NOX4: variants seen among roughly 807,000 people sequenced by gnomAD.
The protein encoded by NOX4 is kidney oxidase-1.
Under a neutral mutation model 87.6 loss-of-function variants are expected in NOX4, and 69 were observed. The observed-to-expected ratio is 0.79, with a 90% confidence interval of 0.65 to 0.96. The LOEUF is 0.96. Among genes scored for constraint, NOX4 ranks in the 40% least tolerant of loss-of-function variants. The probability of loss-of-function intolerance (pLI) is 0.00; values close to 1 mark genes in which losing one functional copy is unlikely to be tolerated. For missense variants in NOX4, 680 were observed against 681.5 expected (o/e 1.00, Z 0.02); for synonymous variants, 275 against 238.2 (o/e 1.15, Z -1.42).
At chr11:89,548,696 C>T in the NOX4 span, 1 of 152,192 alleles carries the variant, frequency 6.6e-6, no homozygotes, top group Non-Finnish European at 1.5e-5. Context: ...TTTCACCTGC[C>T]ATGCCACCCA....
At chr11:89,523,208 GAC>G in the NOX4 span, among the ~76,000 whole-genome samples, 1 of 151,888 alleles carries the variant, frequency 6.6e-6, no homozygotes, top group Non-Finnish European at 1.5e-5. Context: ...ATTTTTAGTA[GAC>G]ACAGGATTTC....
chr11:89,423,180 G>A (rs920815481), intron 7 of NOX4, among the ~76,000 whole-genome samples: 28 of 151,986 alleles, frequency 1.8e-4, no homozygotes, highest in South Asian at 6.3e-4. Context: ...TTTAATACAC[G>A]CTGCCAATTG....
At chr11:89,415,619 G>A (rs1490102338) in intron 8 of NOX4, among the ~76,000 whole-genome samples, 1 of 152,086 alleles carries the variant, frequency 6.6e-6, no homozygotes, top group African/African-American at 2.4e-5. Flanking sequence ...AGATACGTGT[G>A]TGTATGTATT....
intron 4 of NOX4, among the ~76,000 whole-genome samples, chr11:89,447,063 T>G (rs1944741237): frequency 6.6e-6 from 1 of 152,030 alleles, no homozygotes; most frequent in African/African-American, 2.4e-5. Context: ...CTTTAAAAAT[T>G]TTTAAGAGGA....
the NOX4 span, among the ~76,000 whole-genome samples, chr11:89,552,508 TC>T: frequency 6.6e-6 from 1 of 152,200 alleles, no homozygotes; most frequent in African/African-American, 2.4e-5. Context: ...ATTCTTCCTT[TC>T]TTCAGATCTG....
At chr11:89,501,584 A>G (rs577149932), upstream of NOX4, among the ~76,000 whole-genome samples, 20 of 152,204 alleles carry the variant, frequency 1.3e-4, no homozygotes, top group Non-Finnish European at 2.1e-4. Context: ...TTTTATTATC[A>G]TAAGAACCAC....
intron 13 of NOX4, among the ~76,000 whole-genome samples, chr11:89,344,294 C>T (rs1946124040): frequency 6.6e-6 from 1 of 152,144 alleles, no homozygotes; most frequent in South Asian, 2.1e-4. Context: ...GGTGCAGTGG[C>T]TCACACCTGT....
chr11:89,530,095 TA>T, the NOX4 span, among the ~76,000 whole-genome samples: 1 of 151,992 alleles, frequency 6.6e-6, no homozygotes, highest in Non-Finnish European at 1.5e-5. Context: ...ATATTACAAA[TA>T]AAAAACAGAT....
intron 12 of NOX4, among the ~76,000 whole-genome samples, chr11:89,366,636 C>A (rs1353891808): frequency 1.3e-5 from 2 of 150,062 alleles, no homozygotes; most frequent in Non-Finnish European, 3.0e-5. Context: ...TGCAGTGAGC[C>A]ATGACCATAT....
chr11:89,373,277 CAAAAA>C (rs144113376), intron 12 of NOX4, among the ~76,000 whole-genome samples, 150 bp downstream of exon 12: 1 of 59,100 alleles, frequency 1.7e-5, no homozygotes, highest in African/African-American at 5.2e-5. Context: ...ACTGTACAAG[CAAAAA>C]AAAAAAAAAA....
At chr11:89,510,994 T>G in the NOX4 span, among the ~76,000 whole-genome samples, 4 of 152,052 alleles carry the variant, frequency 2.6e-5, no homozygotes, top group Admixed American at 2.6e-4. Context: ...CAGATAAACA[T>G]TTTCTGAAAT....
chr11:89,331,425 A>G (rs1383775613), intron 17 of NOX4, among the ~76,000 whole-genome samples: 1 of 151,880 alleles, frequency 6.6e-6, no homozygotes, highest in African/African-American at 2.4e-5. Context: ...ACTAGTAAAA[A>G]TTAAAAAAAG....
chr11:89,516,987 T>C, the NOX4 span, among the ~76,000 whole-genome samples: 1 of 117,094 alleles, frequency 8.5e-6, no homozygotes, highest in Non-Finnish European at 1.7e-5. Flanking sequence ...CTCCTCCTCC[T>C]CCTCCTCCTG....
chr11:89,434,675 T>A (rs1943988713), intron 6 of NOX4, among the ~76,000 whole-genome samples: 1 of 152,070 alleles, frequency 6.6e-6, no homozygotes, highest in Non-Finnish European at 1.5e-5. Flanking sequence ...TAGCTACTTA[T>A]TTTTAACAGT....
chr11:89,578,229 A>G, the NOX4 span, among the ~76,000 whole-genome samples: 3 of 150,270 alleles, frequency 2.0e-5, no homozygotes, highest in Non-Finnish European at 3.0e-5. Context: ...TGGCGTGATC[A>G]CGGCTTACTG....
chr11:89,344,347 G>A (rs1946126780), intron 13 of NOX4, among the ~76,000 whole-genome samples: 1 of 152,076 alleles, frequency 6.6e-6, no homozygotes, highest in Admixed American at 6.6e-5. Flanking sequence ...GATGGCTTAG[G>A]GCCAGAATTT....
At chr11:89,456,344 A>T (rs1481215010) in intron 2 of NOX4, among the ~76,000 whole-genome samples, 2 of 152,202 alleles carry the variant, frequency 1.3e-5, no homozygotes, top group African/African-American at 2.4e-5. Flanking sequence ...TAAATGCACA[A>T]ATATTTCTAT....
chr11:89,331,265 A>C (rs1590938693), intron 17 of NOX4, among the ~76,000 whole-genome samples: 1 of 152,026 alleles, frequency 6.6e-6, no homozygotes, highest in East Asian at 1.9e-4. Flanking sequence ...AACATAAAAA[A>C]TAAAAAATAT....
At position 89,325,611 on chromosome 11, in the gene NOX4, C is replaced by T. The variant is rs1170292883; in HGVS notation, c.*1145G>A. ...TAAACTTAAGTTTGAATAAGAATAT[C>T]ATATTTCCTCTTACTTAAAAGGTAA... On this transcript the variant is annotated 3_prime_UTR_variant, in exon 18 of 18. Transcript: ENST00000263317. 1 of 152,024 alleles carries T rather than the reference C, an allele frequency of 6.6e-6. No homozygotes were observed. Among genetic ancestry groups the T allele is most frequent in the Non-Finnish European group, 1.5e-5 (1 of 68,006 alleles). 9.4% of individuals were successfully genotyped at this position (152,024 alleles called of 1,614,324 possible).
Sources: gnomAD v4.1 joint callset for allele counts (sites outside exome capture counted in the v4.1 genomes callset) on GRCh38, gnomAD v4.1.1 for gene constraint, MANE v1.5 for transcripts, NCBI Gene and HGNC (gene_info 2026-07-23, HGNC 2026-07-21) for gene names.